The following CATSPERB variants were observed in gnomAD, a reference collection of about 807,000 sequenced individuals.
CATSPERB encodes the protein cation channel sperm-associated auxiliary subunit beta.
In CATSPERB, 93 loss-of-function variants were observed where a neutral mutation model predicts 128.3. The ratio of observed to expected loss-of-function variants is 0.72; its 90% CI spans 0.61 to 0.86. The LOEUF (loss-of-function observed/expected upper bound fraction) is 0.86. Ranked by LOEUF, CATSPERB falls within the 40% of genes least tolerant of loss-of-function variation. CATSPERB has a pLI of 0.00. For missense variants in CATSPERB, 1,153 were observed against 1,329.5 expected (o/e 0.87, Z 2.06); for synonymous variants, 381 against 448.8 (o/e 0.85, Z 1.91).
At chr14:91,727,272 A>C (rs1172945027) in intron 2 of CATSPERB, among the ~76,000 whole-genome samples, 1 of 152,094 alleles carries the variant, frequency 6.6e-6, no homozygotes, top group Admixed American at 6.5e-5. Context: ...TGTCCCTCAT[A>C]TTCCCCAGAG....
intron 8 of CATSPERB, 61 bp from the exon 9 acceptor site, chr14:91,693,305 G>C (rs769040314): frequency 9.1e-6 from 14 of 1,543,854 alleles, no homozygotes; most frequent in Non-Finnish European, 1.3e-5. Context: ...CCTTACTGAA[G>C]CAAAGACATT....
Position 91,727,283 on chromosome 14 carries a change from T to C in CATSPERB, c.80-2115A>G, listed in dbSNP as rs1486725163. The stretch of plus-strand genomic sequence containing the variant: ...CTCCTGTCCCTCATATTCCCCAGAG[T>C]TTATTGTTCTAGGAGAACTGTGTGA... On this transcript the variant is annotated intron_variant, in intron 2 of 26. Coordinates refer to ENST00000256343, the MANE Select transcript of CATSPERB (RefSeq NM_024764.4). Among the ~76,000 whole-genome samples the C allele has an allele frequency of 3.3e-5, 5 of 152,200 alleles. No homozygotes were observed. The East Asian group carries it at 9.7e-4, about 29-fold the overall frequency.
At chr14:91,609,638 T>C (rs1893784329) in intron 21 of CATSPERB, among the ~76,000 whole-genome samples, 2 of 152,368 alleles carry the variant, frequency 1.3e-5, no homozygotes, top group Middle Eastern at 3.4e-3. Flanking sequence ...TAGTTTATGA[T>C]AGCAAATGAT....
intron 17 of CATSPERB, among the ~76,000 whole-genome samples, chr14:91,634,817 A>G (rs1894343335): frequency 6.7e-6 from 1 of 149,338 alleles, no homozygotes; most frequent in Non-Finnish European, 1.5e-5. Flanking sequence ...AACACATATA[A>G]TATACAGATT....
intron 15 of CATSPERB, among the ~76,000 whole-genome samples, chr14:91,645,962 C>T (rs1182964878): frequency 2.7e-5 from 4 of 148,572 alleles, no homozygotes; most frequent in African/African-American, 7.5e-5. Context: ...GTGGGAGTGA[C>T]CCGATTTTCC....
intron 7 of CATSPERB, among the ~76,000 whole-genome samples, chr14:91,702,973 T>C (rs1895676695): frequency 6.6e-6 from 1 of 152,020 alleles, no homozygotes; most frequent in South Asian, 2.1e-4. Context: ...TTTTAAATTA[T>C]AATCTTTAAT....
chr14:91,684,237 T>C (rs936005703), intron 10 of CATSPERB, among the ~76,000 whole-genome samples: 7 of 152,228 alleles, frequency 4.6e-5, no homozygotes, highest in Non-Finnish European at 1.0e-4. Context: ...CAGAAGCCAT[T>C]AGTCTTTCAG....
chr14:91,593,047 G>A (rs1261059061), intron 22 of CATSPERB, among the ~76,000 whole-genome samples: 1 of 152,250 alleles, frequency 6.6e-6, no homozygotes, highest in Non-Finnish European at 1.5e-5. Context: ...AGCCTTGACA[G>A]CTTCCACGTG....
intron 15 of CATSPERB, 64 bp from the exon 16 acceptor site, chr14:91,639,314 C>T (rs1353425729): frequency 7.2e-7 from 1 of 1,386,862 alleles, no homozygotes; most frequent in Non-Finnish European, 1.0e-6. Context: ...ACTTTAATAT[C>T]ATACCTTGTA....
At chr14:91,616,910 A>T (rs1743145) in intron 20 of CATSPERB, among the ~76,000 whole-genome samples, 112,770 of 151,664 alleles carry the variant, frequency 0.74, 42,473 homozygotes, top group East Asian at 0.97. Flanking sequence ...CCTGGCTAAT[A>T]TTTTTGTATT....
chr14:91,687,780 C>T (rs1895399714), intron 10 of CATSPERB, among the ~76,000 whole-genome samples: 1 of 151,894 alleles, frequency 6.6e-6, no homozygotes, highest in Non-Finnish European at 1.5e-5. Flanking sequence ...CATGGTGAAA[C>T]CCTATCTCTA....
intron 15 of CATSPERB, among the ~76,000 whole-genome samples, chr14:91,644,354 G>C (rs1191469828): frequency 6.9e-6 from 1 of 144,452 alleles, no homozygotes; most frequent in Non-Finnish European, 1.5e-5. Context: ...GGTACCGGTT[G>C]TTCCTTTCCA....
chr14:91,728,732 A>G (rs1020750591), intron 2 of CATSPERB, among the ~76,000 whole-genome samples: 1 of 152,238 alleles, frequency 6.6e-6, no homozygotes, highest in African/African-American at 2.4e-5. Context: ...TTTCAACAGC[A>G]TGTGACTTCT....
chr14:91,683,621 A>G (rs1282459919), intron 11 of CATSPERB, among the ~76,000 whole-genome samples: 1 of 152,094 alleles, frequency 6.6e-6, no homozygotes, highest in African/African-American at 2.4e-5. Context: ...TTAGTCTACA[A>G]CCTGGCCATC....
At chr14:91,637,038 TCTC>T (rs1485932966) in intron 16 of CATSPERB, among the ~76,000 whole-genome samples, 1 of 152,172 alleles carries the variant, frequency 6.6e-6, no homozygotes, top group African/African-American at 2.4e-5. Flanking sequence ...CATAAGCTGT[TCTC>T]CTTTCCTGAC....
In CATSPERB at chr14:91,723,193, T is replaced by A; in HGVS notation, c.169-4A>T. 1 of 1,430,402 alleles carries A rather than the reference T, an allele frequency of 7.0e-7. No homozygotes were observed. 88.6% of individuals were successfully genotyped at this position (1,430,402 alleles called of 1,614,324 possible). ...TTTGGAAGAAACACTGGATTTTCTT[T>A]AGGAAAGCAAGAAAAAAAAAAACAA... On this transcript the variant is annotated splice_region_variant and splice_polypyrimidine_tract_variant and intron_variant, in intron 3 of 26. Transcript: ENST00000256343.
chr14:91,586,279 A>G (rs1010254842), intron 26 of CATSPERB, among the ~76,000 whole-genome samples: 8 of 152,136 alleles, frequency 5.3e-5, no homozygotes, highest in African/African-American at 1.2e-4. Flanking sequence ...TGGAGCTTCT[A>G]TGAGAATTTT....
intron 15 of CATSPERB, among the ~76,000 whole-genome samples, chr14:91,655,154 G>A (rs1894766406): frequency 6.6e-6 from 1 of 152,202 alleles, no homozygotes; most frequent in Non-Finnish European, 1.5e-5. Flanking sequence ...AGTGAGCAAA[G>A]ACTTAGATCA....
intron 13 of CATSPERB, among the ~76,000 whole-genome samples, chr14:91,672,058 G>T (rs1283473626): frequency 6.8e-6 from 1 of 146,904 alleles, no homozygotes; most frequent in African/African-American, 2.6e-5. Context: ...ACAACAAAAA[G>T]ATGGTACCTA....
Sources: allele counts gnomAD v4.1 joint callset (sites outside exome capture counted in the v4.1 genomes callset), GRCh38; gene constraint gnomAD v4.1.1; transcripts MANE v1.5; gene names NCBI Gene and HGNC (gene_info 2026-07-23, HGNC 2026-07-21).